Variants in VKORC1L1 observed in about 807,000 individuals in gnomAD.
VKORC1L1 encodes the protein vitamin K epoxide reductase complex subunit 1-like protein 1.
Under a neutral mutation model 18.9 loss-of-function variants are expected in VKORC1L1, and 2 were observed. That is an observed-to-expected ratio of 0.11 (90% CI 0.04 to 0.33). The LOEUF is 0.33. VKORC1L1 is among the 10% of genes least tolerant of loss of function. The pLI, the probability that VKORC1L1 is intolerant of heterozygous loss-of-function variation, is 1.00. For synonymous variants in VKORC1L1, 96 were observed against 100.0 expected (o/e 0.96, Z 0.24); for missense variants, 123 against 224.1 (o/e 0.55, Z 2.88).
At chr7:65,876,456 C>A (rs539017669) in intron 1 of VKORC1L1, among the ~76,000 whole-genome samples, 1 of 151,166 alleles carries the variant, frequency 6.6e-6, no homozygotes, top group East Asian at 1.9e-4. Flanking sequence ...AAGCCAAGAT[C>A]GCGCCATTGC....
intron 1 of VKORC1L1, among the ~76,000 whole-genome samples, chr7:65,918,706 CT>C (rs992517741): frequency 1.3e-5 from 2 of 152,204 alleles, no homozygotes; most frequent in African/African-American, 4.8e-5. Flanking sequence ...TAAGAGGTAA[CT>C]GAGAAAATAT....
At chr7:65,887,249 G>A (rs1396422380) in intron 1 of VKORC1L1, among the ~76,000 whole-genome samples, 1 of 151,992 alleles carries the variant, frequency 6.6e-6, no homozygotes, top group African/African-American at 2.4e-5. Flanking sequence ...ATTCATAACA[G>A]TTTTCTTAAA....
At chr7:65,922,237 C>G (rs1789689124) in intron 1 of VKORC1L1, among the ~76,000 whole-genome samples, 1 of 151,644 alleles carries the variant, frequency 6.6e-6, no homozygotes, top group South Asian at 2.1e-4. Context: ...CGTTATTTCC[C>G]CCTCTATCTT....
chr7:65,910,754 T>G (rs1225311987), intron 1 of VKORC1L1, among the ~76,000 whole-genome samples: 3 of 152,162 alleles, frequency 2.0e-5, no homozygotes, highest in African/African-American at 7.2e-5. Flanking sequence ...AAAGTGCAGA[T>G]TTACCCTTTC....
intron 1 of VKORC1L1, among the ~76,000 whole-genome samples, chr7:65,891,715 G>A (rs1201525348): frequency 6.6e-6 from 1 of 152,096 alleles, no homozygotes; most frequent in Non-Finnish European, 1.5e-5. Flanking sequence ...TAGGGTAGAT[G>A]TGGTATTTTG....
intron 1 of VKORC1L1, among the ~76,000 whole-genome samples, chr7:65,879,056 A>G (rs1788878973): frequency 6.6e-6 from 1 of 152,238 alleles, no homozygotes; most frequent in South Asian, 2.1e-4. Context: ...GAAACTTTTC[A>G]GAGCCGTTTG....
At chr7:65,914,161 A>G (rs1789549421) in intron 1 of VKORC1L1, among the ~76,000 whole-genome samples, 1 of 152,172 alleles carries the variant, frequency 6.6e-6, no homozygotes, top group Non-Finnish European at 1.5e-5. Flanking sequence ...TCTGTCACCC[A>G]GACTGGAGTG....
intron 1 of VKORC1L1, among the ~76,000 whole-genome samples, chr7:65,947,063 C>CG (rs1790131430): frequency 6.6e-6 from 1 of 151,910 alleles, no homozygotes; most frequent in South Asian, 2.1e-4. Flanking sequence ...ACTTGAACCT[C>CG]GGAGGTCAAG....
intron 1 of VKORC1L1, among the ~76,000 whole-genome samples, chr7:65,894,524 C>T (rs752013299): frequency 2.6e-5 from 4 of 151,438 alleles, no homozygotes; most frequent in Non-Finnish European, 4.4e-5. Context: ...GTCAGAAGAT[C>T]GAGACCATCC....
intron 1 of VKORC1L1, among the ~76,000 whole-genome samples, chr7:65,884,719 C>T (rs1448023465): frequency 6.6e-6 from 1 of 152,164 alleles, no homozygotes; most frequent in Non-Finnish European, 1.5e-5. Context: ...GCCCTGTGCC[C>T]TTGCCAAATT....
chr7:65,884,759 A>G, intron 1 of VKORC1L1, among the ~76,000 whole-genome samples: 1 of 152,222 alleles, frequency 6.6e-6, no homozygotes, highest in East Asian at 1.9e-4. Flanking sequence ...ATATTTGCCA[A>G]TATGATATAT....
chr7:65,873,699 G>A, intron 1 of VKORC1L1, 134 bp downstream of exon 1: 12 of 707,664 alleles, frequency 1.7e-5, no homozygotes, highest in Non-Finnish European at 2.3e-5. Context: ...ACGGGGTCGG[G>A]TCGGGGCCAG....
chr7:65,907,601 G>A (rs532658164), intron 1 of VKORC1L1, among the ~76,000 whole-genome samples: 6 of 152,180 alleles, frequency 3.9e-5, no homozygotes, highest in African/African-American at 7.2e-5. Context: ...TAGGCCTCCC[G>A]CTGTTCAGTT....
At chr7:65,935,817 TA>T (rs1282556692) in intron 1 of VKORC1L1, among the ~76,000 whole-genome samples, 1 of 152,214 alleles carries the variant, frequency 6.6e-6, no homozygotes, top group African/African-American at 2.4e-5. Flanking sequence ...TATATTTGGC[TA>T]AATTTGGGAA....
intron 1 of VKORC1L1, among the ~76,000 whole-genome samples, chr7:65,919,024 G>C (rs1789632347): frequency 6.6e-6 from 1 of 152,180 alleles, no homozygotes; most frequent in Non-Finnish European, 1.5e-5. Flanking sequence ...GAATCCAGGA[G>C]ATGAAGGTTG....
intron 1 of VKORC1L1, among the ~76,000 whole-genome samples, chr7:65,948,123 G>C (rs1790152863): frequency 6.6e-6 from 1 of 152,172 alleles, no homozygotes; most frequent in Non-Finnish European, 1.5e-5. Context: ...TCAACTGGGG[G>C]CAGTCGTGTC....
At chr7:65,903,484 T>G (rs1414737765) in intron 1 of VKORC1L1, among the ~76,000 whole-genome samples, 3 of 152,094 alleles carry the variant, frequency 2.0e-5, no homozygotes, top group Non-Finnish European at 4.4e-5. Context: ...ACCTTTAAAG[T>G]GCTTTTTAAA....
intron 1 of VKORC1L1, among the ~76,000 whole-genome samples, chr7:65,874,237 C>T (rs1342809877): frequency 6.6e-6 from 1 of 152,084 alleles, no homozygotes; most frequent in Non-Finnish European, 1.5e-5. Context: ...CTTGGATTCC[C>T]TCTCGTATGT....
chr7:65,903,164 C>T (rs1789347698), intron 1 of VKORC1L1, among the ~76,000 whole-genome samples: 2 of 149,026 alleles, frequency 1.3e-5, no homozygotes, highest in South Asian at 4.3e-4. Context: ...CCACGCTTGG[C>T]CTTCATTTTT....
Sources: allele counts gnomAD v4.1 joint callset (sites outside exome capture counted in the v4.1 genomes callset), GRCh38; gene constraint gnomAD v4.1.1; transcripts MANE v1.5; gene names NCBI Gene and HGNC (gene_info 2026-07-23, HGNC 2026-07-21).